MFHAS1: variants seen among roughly 807,000 people sequenced by gnomAD.
The protein encoded by MFHAS1 is malignant fibrous histiocytoma-amplified sequence 1.
Under a neutral mutation model 70.4 loss-of-function variants are expected in MFHAS1, and 50 were observed. The observed-to-expected ratio is 0.71, with a 90% CI of 0.57 to 0.90. The LOEUF (loss-of-function observed/expected upper bound fraction) is 0.90, where lower values mean the gene tolerates loss of function less well. Among genes scored for constraint, MFHAS1 ranks in the 40% least tolerant of loss-of-function variants. The probability of loss-of-function intolerance (pLI) is 0.00; values close to 1 mark genes in which losing one functional copy is unlikely to be tolerated. For synonymous variants in MFHAS1, 952 were observed against 620.0 expected, an observed-to-expected ratio of 1.54 and a Z score of -7.96; for missense variants, 1,795 against 1,347.6, an observed-to-expected ratio of 1.33 and a Z score of -5.20.
At chr8:8,883,780 A>G (rs1304590346) in intron 1 of MFHAS1, among the ~76,000 whole-genome samples, 1 of 151,950 alleles carries the variant, frequency 6.6e-6, no homozygotes, top group East Asian at 1.9e-4. Context: ...ATGAGAAGAA[A>G]AACAGAAATG....
intron 1 of MFHAS1, among the ~76,000 whole-genome samples, chr8:8,837,585 G>A (rs769149276): frequency 2.6e-5 from 4 of 152,002 alleles, no homozygotes; most frequent in Non-Finnish European, 2.9e-5. Flanking sequence ...GGAGGTTGCA[G>A]TGAGCCAAGA....
At chr8:8,835,048 A>C (rs1807547409) in intron 1 of MFHAS1, among the ~76,000 whole-genome samples, 1 of 152,206 alleles carries the variant, frequency 6.6e-6, no homozygotes, top group Non-Finnish European at 1.5e-5. Context: ...TAAACCAGAC[A>C]CAAAAAAAGT....
rs1465094203 is a variant in MFHAS1, at chr8:8,892,920, C to T, written c.139G>A (p.Ala47Thr). The T allele has an allele frequency of 1.3e-6, 2 of 1,555,546 alleles. No homozygotes were observed. Among genetic ancestry groups the T allele is most frequent in the Non-Finnish European group, 1.7e-6 (2 of 1,153,714 alleles). The change falls in exon 1 of 3, where the codon GCG (alanine) becomes ACG (threonine). Residue 47 changes from alanine to threonine, a missense_variant. Coordinates refer to ENST00000276282, the MANE Select transcript of MFHAS1 (RefSeq NM_004225.3). The surrounding 1 kb of genome is among the most constrained non-coding windows in gnomAD (Gnocchi z 4.7). Reference protein sequence around the residue: ...AGACPGAGADALESPASPQLV... With the variant: ...AGACPGAGADTLESPASPQLV... The stretch of plus-strand genomic sequence containing the variant: ...TGGGGGGAGGCGGGGGACTCGAGCG[C>T]GTCGGCCCCGGCCCCGGGGCAGGCC...
At chr8:8,835,972 G>A (rs1426736937) in intron 1 of MFHAS1, among the ~76,000 whole-genome samples, 2 of 152,230 alleles carry the variant, frequency 1.3e-5, no homozygotes, top group African/African-American at 4.8e-5. Context: ...GGCACAGGTA[G>A]GTGGTTGCCA....
chr8:8,812,102 G>A (rs1484823093), intron 1 of MFHAS1, among the ~76,000 whole-genome samples: 1 of 152,202 alleles, frequency 6.6e-6, no homozygotes, highest in Non-Finnish European at 1.5e-5. Flanking sequence ...AGTTCCATGT[G>A]CGGCGACTCC....
rs143338986 is a variant in MFHAS1 at position 8,890,558 on chromosome 8, T to A, written c.2501A>T (p.Asn834Ile). 1.2e-6 allele frequency: 2 copies of A among 1,613,568 alleles called. No individual in the cohort carries two copies. The highest frequency in any genetic ancestry group is 3.3e-5 in the Admixed American group (2 of 60,036). ...ATTCAAAGGCTTGCCCTTGGGTTTA[T>A]TGAGGCAGTAACAGAGTCCCATCTT... ...LEKMGLCYCLNKPKGKPLNGS... is the reference protein window; with the variant it reads ...LEKMGLCYCLIKPKGKPLNGS... Residue 834 changes from asparagine to isoleucine, a missense_variant, in exon 1 of 3, where the codon AAT becomes ATT. Physicochemically the swap from Asn to Ile is moderately radical, Grantham distance 149 (BLOSUM62 -3). Transcript: ENST00000276282.
rs149535402 is a variant in MFHAS1, at chr8:8,811,997, A to C, written c.2999-14506T>G. Among the ~76,000 whole-genome samples, 791 of 152,244 alleles carry C rather than the reference A, an allele frequency of 5.2e-3. 8 individuals are homozygous for C. Among genetic ancestry groups the C allele is most frequent in the African/African-American group, 0.018 (744 of 41,530 alleles). ...TCCAAGGGCAAACAAAAAACCCCAAAACCAGAAGCACTCCAGGAAGTGGTC... is the reference window on the plus strand; with the variant it reads ...TCCAAGGGCAAACAAAAAACCCCAACACCAGAAGCACTCCAGGAAGTGGTC... On this transcript the variant is annotated intron_variant, in intron 1 of 2. Coordinates refer to ENST00000276282, the MANE Select transcript of MFHAS1 (RefSeq NM_004225.3).
chr8:8,803,565 G>A (rs1806160756), intron 1 of MFHAS1, among the ~76,000 whole-genome samples: 1 of 148,882 alleles, frequency 6.7e-6, no homozygotes, highest in African/African-American at 2.5e-5. Context: ...CATCTGTACT[G>A]AACATGTATA....
At chr8:8,861,498 C>G (rs191332304) in intron 1 of MFHAS1, among the ~76,000 whole-genome samples, 46 of 152,188 alleles carry the variant, frequency 3.0e-4, no homozygotes, top group African/African-American at 1.1e-3. Context: ...AGGTATATAC[C>G]AAATTAGTGT....
chr8:8,829,340 T>C (rs1807282654), intron 1 of MFHAS1, among the ~76,000 whole-genome samples: 2 of 152,188 alleles, frequency 1.3e-5, no homozygotes, highest in Admixed American at 1.3e-4. Context: ...ACTGCCTTTC[T>C]CACACTGTGC....
intron 1 of MFHAS1, among the ~76,000 whole-genome samples, chr8:8,871,170 T>C (rs1809061927): frequency 6.6e-6 from 1 of 152,162 alleles, no homozygotes; most frequent in Non-Finnish European, 1.5e-5. Flanking sequence ...CCATATGACT[T>C]AGCCCTCCTC....
At chr8:8,839,326 G>C (rs934244911) in intron 1 of MFHAS1, among the ~76,000 whole-genome samples, 1 of 152,070 alleles carries the variant, frequency 6.6e-6, no homozygotes, top group Non-Finnish European at 1.5e-5. Flanking sequence ...GCCATTATTT[G>C]TCTTTTTGTG....
intron 1 of MFHAS1, among the ~76,000 whole-genome samples, chr8:8,835,519 A>T (rs1238160806): frequency 6.6e-6 from 1 of 152,230 alleles, no homozygotes; most frequent in African/African-American, 2.4e-5. Flanking sequence ...CTCACGATGA[A>T]GATGTTTCTA....
chr8:8,891,192 G>C lies in MFHAS1; in HGVS notation c.1867C>G (p.Pro623Ala). 1 of 1,613,090 alleles carries C rather than the reference G, an allele frequency of 6.2e-7. No homozygotes were observed. The highest frequency in any genetic ancestry group is 1.3e-5 in the African/African-American group (1 of 75,078). Residue 623 changes from proline (P) to alanine (A), a missense_variant, in exon 1 of 3, where the codon CCC (proline) becomes GCC (alanine). Coordinates refer to ENST00000276282, the MANE Select transcript of MFHAS1 (RefSeq NM_004225.3). The surrounding 1 kb of genome is among the most constrained non-coding windows in gnomAD (Gnocchi z 5.4). Reference sequence around the variant, plus strand: ...TCCCTGCAGCTAACAGGCAACACGGGGGAGAGGATCTGCAGCCGGTGGTTG... The same window carrying C: ...TCCCTGCAGCTAACAGGCAACACGGCGGAGAGGATCTGCAGCCGGTGGTTG... ...LLNHRLQILS[P>A]VLPVSCRDPR...
At chr8:8,840,834 G>C (rs1430652459) in intron 1 of MFHAS1, among the ~76,000 whole-genome samples, 1 of 152,152 alleles carries the variant, frequency 6.6e-6, no homozygotes, top group African/African-American at 2.4e-5. Context: ...CTCCTAAAAA[G>C]ATGGTGTAGA....
chr8:8,891,431 C>T lies in MFHAS1; in HGVS notation c.1628G>A (p.Gly543Glu). 1 of 1,612,970 alleles carries T rather than the reference C, an allele frequency of 6.2e-7. No individual in the cohort carries two copies. Among genetic ancestry groups the T allele is most frequent in the Non-Finnish European group, 8.5e-7 (1 of 1,180,038 alleles). Residue 543 changes from glycine to glutamate, a missense_variant, in exon 1 of 3, where the codon GGA becomes GAA. Gly to Glu is a moderately conservative substitution (Grantham distance 98, BLOSUM62 -2). Transcript: ENST00000276282. The surrounding 1 kb of genome is among the most constrained non-coding windows in gnomAD (Gnocchi z 5.4). The stretch of plus-strand genomic sequence containing the variant: ...ACATTTCTCCTCCAGCTCACGCTCT[C>T]CGCACAGGTCTGCGTGGGTGCCCAC... ...CIVGTHADLC[G>E]ERELEEKCLD...
intron 1 of MFHAS1, among the ~76,000 whole-genome samples, chr8:8,816,885 C>T (rs1806767411): frequency 6.6e-6 from 1 of 152,182 alleles, no homozygotes; most frequent in African/African-American, 2.4e-5. Context: ...TACTCTTACC[C>T]ATCTCTAATC....
chr8:8,890,271 T>C lies in MFHAS1; in HGVS notation c.2788A>G (p.Arg930Gly), dbSNP rs1159484095. 1.2e-6 allele frequency: 2 copies of C among 1,614,224 alleles called. No individual in the cohort carries two copies. The highest frequency in any genetic ancestry group is 4.5e-5 in the East Asian group (2 of 44,884). Residue 930 changes from arginine (R) to glycine (G), a missense_variant, in exon 1 of 3, where the codon AGA becomes GGA. Coordinates refer to ENST00000276282, the MANE Select transcript of MFHAS1 (RefSeq NM_004225.3). ...GGCTGCAGGACTCCCCTGGCAGGTC[T>C]GTAACTCACAACCACAGGAACTTTC... is the stretch of plus-strand genomic sequence containing the variant. ...RGKVPVVVSY[R>G]PARGVLQPDT...
chr8:8,891,906 A>G lies in MFHAS1; in HGVS notation c.1153T>C (p.Cys385Arg). The G allele has an allele frequency of 6.2e-7, 1 of 1,610,668 alleles. No individual in the cohort carries two copies. The highest frequency in any genetic ancestry group is 1.1e-5 in the South Asian group (1 of 90,716). Residue 385 changes from cysteine (C) to arginine (R), a missense_variant, in exon 1 of 3, where the codon TGC (cysteine) becomes CGC (arginine). Cys to Arg is a radical substitution (Grantham distance 180, BLOSUM62 -3). Coordinates refer to ENST00000276282, the MANE Select transcript of MFHAS1 (RefSeq NM_004225.3). The surrounding 1 kb of genome is among the most constrained non-coding windows in gnomAD (Gnocchi z 5.4). ...NPLIQPPYEV[C>R]MKGIPYIAAY... Reference sequence around the variant, plus strand: ...GCGATGTAGGGGATCCCCTTCATGCAGACCTCGTAGGGGGGCTGGATCAGT... The same window carrying G: ...GCGATGTAGGGGATCCCCTTCATGCGGACCTCGTAGGGGGGCTGGATCAGT...
Sources: gnomAD v4.1 joint callset for allele counts (sites outside exome capture counted in the v4.1 genomes callset) on GRCh38, gnomAD v4.1.1 for gene constraint, Gnocchi (gnomAD v3.1) non-coding constraint, MANE v1.5 for transcripts, NCBI Gene and HGNC (gene_info 2026-07-23, HGNC 2026-07-21) for gene names.